DOK6: variants seen among roughly 807,000 people sequenced by gnomAD.
The protein encoded by DOK6 is docking protein 6.
In DOK6, 22 loss-of-function variants were observed where a neutral mutation model predicts 44.0. The ratio of observed to expected loss-of-function variants is 0.50; its 90% CI spans 0.36 to 0.71. DOK6 has a LOEUF of 0.71. DOK6 is among the 30% of genes least tolerant of loss of function. The pLI is 0.00. For synonymous variants in DOK6, 166 were observed against 145.5 expected (o/e 1.14, Z -1.01); for missense variants, 340 against 416.4 (o/e 0.82, Z 1.60).
intron 3 of DOK6, among the ~76,000 whole-genome samples, chr18:69,675,475 T>C (rs1308430233): frequency 6.6e-6 from 1 of 152,204 alleles, no homozygotes; most frequent in East Asian, 1.9e-4. Context: ...AAGATTTTAA[T>C]TGCGTGTGAC....
chr18:69,476,352 C>A (rs1980261652), intron 1 of DOK6, among the ~76,000 whole-genome samples: 1 of 152,016 alleles, frequency 6.6e-6, no homozygotes, highest in Admixed American at 6.6e-5. Context: ...CTAGGTATTC[C>A]TACGCTCTTT....
intron 7 of DOK6, chr18:69,832,539 A>G (rs1981931240): frequency 1.3e-5 from 2 of 152,100 alleles, no homozygotes. Context: ...TACTTGCCTC[A>G]TAGAGTAGGT....
chr18:69,716,309 A>C (rs1005927007), intron 5 of DOK6, among the ~76,000 whole-genome samples: 5 of 152,238 alleles, frequency 3.3e-5, no homozygotes, highest in Non-Finnish European at 7.3e-5. Flanking sequence ...TTGAGGGGTC[A>C]ACAGGAAATA....
intron 4 of DOK6, among the ~76,000 whole-genome samples, chr18:69,693,336 C>G (rs1355086630): frequency 7.0e-6 from 1 of 142,004 alleles, no homozygotes; most frequent in African/African-American, 2.6e-5. Flanking sequence ...AAAAAAGAAT[C>G]TATTGGCTTC....
intron 5 of DOK6, among the ~76,000 whole-genome samples, chr18:69,730,080 A>G (rs369585643): frequency 2.2e-4 from 33 of 152,368 alleles, no homozygotes; most frequent in South Asian, 1.4e-3. Flanking sequence ...CATAAGAGAT[A>G]CAGCCAAGTA....
chr18:69,455,156 C>CAAAAAAAAA (rs58451274), intron 1 of DOK6, among the ~76,000 whole-genome samples: 43 of 117,406 alleles, frequency 3.7e-4, no homozygotes, highest in Non-Finnish European at 5.3e-4. Context: ...ATAGCTATAG[C>CAAAAAAAAA]AAAAAAAAAA....
At chr18:69,652,576 C>G (rs1175087045) in intron 3 of DOK6, among the ~76,000 whole-genome samples, 1 of 152,162 alleles carries the variant, frequency 6.6e-6, no homozygotes, top group Non-Finnish European at 1.5e-5. Flanking sequence ...GAGATCCACC[C>G]ACCACACGCC....
chr18:69,540,077 T>C (rs1364512208), intron 1 of DOK6, among the ~76,000 whole-genome samples: 1 of 152,018 alleles, frequency 6.6e-6, no homozygotes, highest in Non-Finnish European at 1.5e-5. Context: ...TCATGTCTCC[T>C]GAGAACAGCA....
rs1980723168 is a variant in DOK6, at chr18:69,795,665, C to G, written c.856+37792C>G. Reference sequence around the variant, plus strand: ...CTGTGTGCTAGGCAAAAGGCCAGGCCCTCTTTTTAATAAAGTTCGTTCATG... The same window carrying G: ...CTGTGTGCTAGGCAAAAGGCCAGGCGCTCTTTTTAATAAAGTTCGTTCATG... On this transcript the variant is annotated intron_variant, in intron 7 of 7. Coordinates refer to ENST00000382713, the MANE Select transcript of DOK6 (RefSeq NM_152721.6). 2.0e-5 allele frequency among the ~76,000 whole-genome samples: 3 copies of G among 152,168 alleles called. No individual in the cohort carries two copies. In the South Asian group the frequency reaches 6.2e-4, roughly 32 times the overall value.
chr18:69,736,885 T>G (rs1978626020), intron 5 of DOK6, among the ~76,000 whole-genome samples: 1 of 152,198 alleles, frequency 6.6e-6, no homozygotes, highest in Non-Finnish European at 1.5e-5. Flanking sequence ...ACAAACATAA[T>G]GTGCATGTGA....
chr18:69,503,154 A>AG (rs1287536257), intron 1 of DOK6, among the ~76,000 whole-genome samples: 1 of 152,172 alleles, frequency 6.6e-6, no homozygotes, highest in African/African-American at 2.4e-5. Context: ...TATAATAAAT[A>AG]GCTACATGTG....
intron 7 of DOK6, among the ~76,000 whole-genome samples, chr18:69,775,774 A>G: frequency 6.6e-6 from 1 of 152,038 alleles, no homozygotes. Flanking sequence ...TAAAAGCCCA[A>G]CTTTGTGCGT....
At chr18:69,824,092 C>A (rs1194537996) in intron 7 of DOK6, among the ~76,000 whole-genome samples, 1 of 151,216 alleles carries the variant, frequency 6.6e-6, no homozygotes, top group Admixed American at 6.6e-5. Flanking sequence ...ATGTGCACAA[C>A]GTGCAGGTTA....
At position 69,768,632 on chromosome 18, in the gene DOK6, G is replaced by A. The variant is rs575869637; in HGVS notation, c.856+10759G>A. 1.7e-4 allele frequency among the ~76,000 whole-genome samples: 25 copies of A among 148,550 alleles called. No homozygotes were observed. The South Asian group carries it at 5.4e-3, about 32-fold the overall frequency. ...TTCCTCTGCGGGCCAAGCAGAATAC[G>A]GCAGAGACTTGATAATGATTGAAAG... is the stretch of plus-strand genomic sequence containing the variant. On this transcript the variant is annotated intron_variant, in intron 7 of 7. Coordinates refer to ENST00000382713, the MANE Select transcript of DOK6 (RefSeq NM_152721.6).
intron 3 of DOK6, among the ~76,000 whole-genome samples, chr18:69,666,572 G>A (rs951813299): frequency 1.3e-5 from 2 of 151,530 alleles, no homozygotes; most frequent in East Asian, 1.9e-4. Flanking sequence ...GTTAATCATC[G>A]ACATCACATA....
intron 2 of DOK6, among the ~76,000 whole-genome samples, chr18:69,574,446 A>C (rs1357293080): frequency 4.6e-5 from 7 of 152,082 alleles, no homozygotes; most frequent in Non-Finnish European, 1.0e-4. Flanking sequence ...AGGAACAGTT[A>C]ATTCTGCTTC....
At chr18:69,580,693 C>A (rs1258806297) in intron 2 of DOK6, among the ~76,000 whole-genome samples, 1 of 152,100 alleles carries the variant, frequency 6.6e-6, no homozygotes, top group African/African-American at 2.4e-5. Context: ...GAATGTTAAT[C>A]ATCTGTCCTT....
intron 1 of DOK6, among the ~76,000 whole-genome samples, chr18:69,422,712 T>C (rs970326924): frequency 2.0e-5 from 3 of 152,208 alleles, no homozygotes; most frequent in East Asian, 1.9e-4. Context: ...TTTCTAATGG[T>C]TCTTTTTACT....
intron 1 of DOK6, among the ~76,000 whole-genome samples, chr18:69,482,461 A>G (rs1266885462): frequency 6.6e-6 from 1 of 152,022 alleles, no homozygotes; most frequent in East Asian, 1.9e-4. Flanking sequence ...TATTTTGGGG[A>G]AAGAATTGAA....
Sources: gnomAD v4.1 joint callset for allele counts (sites outside exome capture counted in the v4.1 genomes callset) on GRCh38, gnomAD v4.1.1 for gene constraint, MANE v1.5 for transcripts, NCBI Gene and HGNC (gene_info 2026-07-23, HGNC 2026-07-21) for gene names.